PCGF3: variants seen among roughly 807,000 people sequenced by gnomAD.
The protein encoded by PCGF3 is polycomb group RING finger protein 3.
PCGF3 carries 7 observed loss-of-function variants against 33.1 expected under a neutral mutation model. The ratio of observed to expected loss-of-function variants is 0.21; its 90% CI spans 0.12 to 0.40. The LOEUF (loss-of-function observed/expected upper bound fraction) is 0.40, where lower values mean the gene tolerates loss of function less well. Among genes scored for constraint, PCGF3 ranks in the 10% least tolerant of loss-of-function variants. PCGF3 has a pLI of 1.00. For missense variants in PCGF3, 211 were observed against 313.3 expected, an observed-to-expected ratio of 0.67 and a Z score of 2.46; for synonymous variants, 153 against 121.3, an observed-to-expected ratio of 1.26 and a Z score of -1.72.
At chr4:743,830 C>A (rs1744199843) in intron 7 of PCGF3, 2 of 403,278 alleles carry the variant, frequency 5.0e-6, no homozygotes, top group South Asian at 3.4e-5. Context: ...GTCTGGGGGG[C>A]AGAGGTCAGG....
intron 8 of PCGF3, 126 bp from the exon 9 acceptor site, chr4:761,153 A>T: frequency 1.6e-6 from 1 of 617,968 alleles, no homozygotes; most frequent in Non-Finnish European, 2.6e-6. Context: ...AAGTCAAAGC[A>T]GATGTCTGAT....
intron 8 of PCGF3, among the ~76,000 whole-genome samples, chr4:755,447 C>A (rs1268900253): frequency 6.6e-6 from 1 of 152,210 alleles, no homozygotes; most frequent in East Asian, 1.9e-4. Flanking sequence ...TGCAGGGCTA[C>A]CTCCTCCCTC....
intron 1 of PCGF3, among the ~76,000 whole-genome samples, chr4:728,471 C>T (rs951421512): frequency 3.3e-5 from 5 of 151,816 alleles, no homozygotes; most frequent in African/African-American, 4.8e-5. Flanking sequence ...CTGGGGATGG[C>T]GTAGAGCGCG....
intron 8 of PCGF3, among the ~76,000 whole-genome samples, chr4:756,086 T>G (rs1046096701): frequency 2.6e-5 from 4 of 151,526 alleles, no homozygotes; most frequent in African/African-American, 7.3e-5. Flanking sequence ...GCTAATTTTT[T>G]GTATTTTTAG....
At chr4:709,100 C>T (rs1742454808) in intron 1 of PCGF3, among the ~76,000 whole-genome samples, 1 of 152,190 alleles carries the variant, frequency 6.6e-6, no homozygotes, top group Non-Finnish European at 1.5e-5. Context: ...TGTCTAGTGA[C>T]ATCTTGTCAG....
chr4:749,242 G>A (rs901948728), intron 8 of PCGF3, among the ~76,000 whole-genome samples: 1 of 152,118 alleles, frequency 6.6e-6, no homozygotes, highest in African/African-American at 2.4e-5. Context: ...TCGGCTCACT[G>A]CAACCTCTGC....
intron 6 of PCGF3, among the ~76,000 whole-genome samples, chr4:741,650 G>A (rs1489877547): frequency 1.3e-5 from 2 of 151,998 alleles, no homozygotes; most frequent in Non-Finnish European, 2.9e-5. Flanking sequence ...CTCATGATCC[G>A]CCCGCCTCAG....
intron 6 of PCGF3, among the ~76,000 whole-genome samples, chr4:740,936 C>T (rs1744062976): frequency 6.6e-6 from 1 of 152,100 alleles, no homozygotes; most frequent in Admixed American, 6.5e-5. Context: ...TGCATTGGGA[C>T]GTTTTCATGA....
chr4:758,497 C>T lies in PCGF3; in HGVS notation c.463-2782C>T, dbSNP rs1744883957. 1.5e-5 allele frequency among the ~76,000 whole-genome samples: 2 copies of T among 136,366 alleles called. 1 individual carries two copies. Among genetic ancestry groups the T allele is most frequent in the Non-Finnish European group, 3.3e-5 (2 of 61,428 alleles). The allele number at this position is 136,366 out of a possible 152,430, so 89.5% of individuals were successfully genotyped here. On this transcript the variant is annotated intron_variant, in intron 8 of 10. Transcript: ENST00000362003. The stretch of plus-strand genomic sequence containing the variant: ...CGTGCGGCCCCTCTCCCGAGCTCTT[C>T]TCGCTCCGGACTCTGGGTCTTTCTC...
chr4:764,965 A>G lies in PCGF3; in HGVS notation c.601-19A>G. On this transcript the variant is annotated intron_variant, in intron 9 of 10. Coordinates refer to ENST00000362003, the Ensembl canonical transcript of PCGF3. ...GTTGAGCACCTCTCCGCTGCTAATC[A>G]AACCTCCTTATCCCCCAGCTGGACA... is the stretch of plus-strand genomic sequence containing the variant. The G allele has an allele frequency of 1.2e-6, 2 of 1,604,304 alleles. No individual in the cohort carries two copies. The highest frequency in any genetic ancestry group is 1.7e-6 in the Non-Finnish European group (2 of 1,171,220).
At chr4:764,252 C>A (rs756343604) in intron 9 of PCGF3, among the ~76,000 whole-genome samples, 2 of 152,192 alleles carry the variant, frequency 1.3e-5, no homozygotes, top group East Asian at 3.8e-4. Context: ...CTGTACCTTC[C>A]TCTCAATTTT....
intron 8 of PCGF3, among the ~76,000 whole-genome samples, chr4:752,036 A>T (rs1482450228): frequency 6.6e-6 from 1 of 152,248 alleles, no homozygotes; most frequent in Non-Finnish European, 1.5e-5. Flanking sequence ...ACTCACAACG[A>T]TGTCTTCTAA....
intron 1 of PCGF3, among the ~76,000 whole-genome samples, chr4:719,920 G>A (rs1481119674): frequency 3.3e-5 from 5 of 152,332 alleles, no homozygotes; most frequent in Non-Finnish European, 5.9e-5. Flanking sequence ...CTCTCCGGAC[G>A]ATGGGAACGA....
rs887500569 is a variant in PCGF3, at chr4:731,045, G to A, written c.-75G>A. The A allele has an allele frequency of 4.5e-5, 18 of 398,634 alleles. No individual in the cohort carries two copies. The highest frequency in any genetic ancestry group is 2.7e-4 in the African/African-American group (13 of 48,772). 24.7% of individuals were successfully genotyped at this position (398,634 alleles called of 1,614,324 possible). ...GTGCGGAGCCAGGAGGCAGCGTCGC[G>A]TGGGAGTGCTGGCCTGAAGCCTCCA... On this transcript the variant is annotated 5_prime_UTR_variant, in exon 3 of 11. In the 5' UTR this introduces an upstream ATG that the reference lacks. Coordinates refer to ENST00000362003, the Ensembl canonical transcript of PCGF3.
exon 11 of PCGF3, chr4:766,695 TTTCA>T (rs1398669408): frequency 1.3e-5 from 2 of 152,232 alleles, no homozygotes; most frequent in Non-Finnish European, 2.9e-5. Context: ...CTGGTTCGCC[TTTCA>T]TTGTGTGAGG....
In PCGF3 at chr4:763,064, G is replaced by A. The variant is rs76348549; in HGVS notation, c.600+1648G>A. ...TGTCCCACAGGTTGGCCGGGGATAC[G>A]GACAGCACACCGGGGTTGGGGAGAC... On this transcript the variant is annotated intron_variant, in intron 9 of 10. Transcript: ENST00000362003. Among the ~76,000 whole-genome samples, 1,112 of 152,092 alleles carry A rather than the reference G, an allele frequency of 7.3e-3. 11 individuals are homozygous for A. Among genetic ancestry groups the A allele is most frequent in the Non-Finnish European group, 7.0e-3 (477 of 68,000 alleles).
chr4:714,726 G>C lies in PCGF3; in HGVS notation c.-190+8756G>C, dbSNP rs534652619. ...CTTCTGCCAGGCCAGCGGAGACATA[G>C]GCCCTGACGTCCTCTTCAGTCTCAG... On this transcript the variant is annotated intron_variant, in intron 1 of 10. Coordinates refer to ENST00000362003, the Ensembl canonical transcript of PCGF3. Among the ~76,000 whole-genome samples, 15 of 152,312 alleles carry C rather than the reference G, an allele frequency of 9.8e-5. No homozygotes were observed. In the South Asian group the frequency reaches 3.1e-3, roughly 32 times the overall value.
At chr4:731,452 G>T (rs933081830) in intron 3 of PCGF3, 6 of 329,082 alleles carry the variant, frequency 1.8e-5, no homozygotes, top group African/African-American at 1.1e-4. Flanking sequence ...CTAGCATCCT[G>T]CAGGGAGGTC....
chr4:748,313 C>T (rs1358186036), intron 8 of PCGF3, among the ~76,000 whole-genome samples: 2 of 152,040 alleles, frequency 1.3e-5, no homozygotes, highest in Admixed American at 6.6e-5. Flanking sequence ...GATTCTCCTG[C>T]CTCAGCCTCC....
Sources: allele counts gnomAD v4.1 joint callset (sites outside exome capture counted in the v4.1 genomes callset), GRCh38; gene constraint gnomAD v4.1.1; transcripts MANE v1.5; gene names NCBI Gene and HGNC (gene_info 2026-07-23, HGNC 2026-07-21).